The following COL5A1 variants were observed in gnomAD, a reference collection of about 807,000 sequenced individuals.
COL5A1 encodes the protein collagen alpha-1(V) chain.
Under a neutral mutation model 263.7 loss-of-function variants are expected in COL5A1, and 16 were observed. The observed-to-expected ratio is 0.06, with a 90% confidence interval of 0.04 to 0.09. The LOEUF (loss-of-function observed/expected upper bound fraction) is 0.09. COL5A1 is among the 10% of genes least tolerant of loss of function. COL5A1 has a pLI of 1.00. For synonymous variants in COL5A1, 1,012 were observed against 1,004.5 expected, an observed-to-expected ratio of 1.01 and a Z score of -0.14; for missense variants, 2,036 against 2,540.5, an observed-to-expected ratio of 0.80 and a Z score of 4.27.
chr9:134,664,418 T>C (rs1208124098), intron 1 of COL5A1, among the ~76,000 whole-genome samples: 1 of 151,990 alleles, frequency 6.6e-6, no homozygotes, highest in Non-Finnish European at 1.5e-5. Context: ...AAACAACTGG[T>C]CACCGTAAGA....
chr9:134,808,706 GTCT>G (rs1339337592), intron 42 of COL5A1, among the ~76,000 whole-genome samples: 1 of 152,224 alleles, frequency 6.6e-6, no homozygotes, highest in Non-Finnish European at 1.5e-5. Context: ...GTGCGTACAT[GTCT>G]TCATGTGTGA....
intron 1 of COL5A1, among the ~76,000 whole-genome samples, chr9:134,649,073 T>G (rs1588398976): frequency 7.0e-5 from 8 of 114,542 alleles, no homozygotes; most frequent in Admixed American, 1.8e-4. Flanking sequence ...CAGGCAGGGG[T>G]GGGTGAAGTT....
Position 134,652,729 on chromosome 9 carries a change from A to G in COL5A1, c.109+10433A>G, listed in dbSNP as rs765687008. 4.2e-6 allele frequency: 2 copies of G among 470,842 alleles called. No homozygotes were observed. Among genetic ancestry groups the G allele is most frequent in the South Asian group, 3.1e-5 (2 of 64,566 alleles). 29.2% of individuals were successfully genotyped at this position (470,842 alleles called of 1,614,324 possible). A position where few individuals can be genotyped will look rare whatever the true frequency, so the allele number is the denominator to read the frequency against. ...TCACCCCATGGTCTTCTCATGGCTC[A>G]TTGTCAGACAGGAGGGAGGGCCTCT... On this transcript the variant is annotated intron_variant, in intron 1 of 65. Transcript: ENST00000371817. This position sits in a 1 kb window ranked among gnomAD's most constrained non-coding sequence, Gnocchi z 4.4.
At chr9:134,653,821 G>GGT (rs1347256324) in intron 1 of COL5A1, among the ~76,000 whole-genome samples, 1 of 151,808 alleles carries the variant, frequency 6.6e-6, no homozygotes, top group Non-Finnish European at 1.5e-5. Context: ...TAGGGCTGGG[G>GGT]GTGTGCAGGG....
In COL5A1 at chr9:134,796,835, T is replaced by C. The variant is rs1038406739; in HGVS notation, c.2845-13T>C. The stretch of plus-strand genomic sequence containing the variant: ...GACCTCTTGTCCTCAAACTGGCCTT[T>C]CTCTGTTCCCAGGGACCCAATGGAC... On this transcript the variant is annotated splice_polypyrimidine_tract_variant and intron_variant, in intron 35 of 65. Transcript: ENST00000371817. The C allele has an allele frequency of 6.2e-6, 10 of 1,614,048 alleles. No individual in the cohort carries two copies. Among genetic ancestry groups the C allele is most frequent in the Non-Finnish European group, 8.5e-6 (10 of 1,179,882 alleles).
At chr9:134,732,280 C>G (rs770470577) in intron 9 of COL5A1, 153 bp downstream of exon 9, 58 of 750,480 alleles carry the variant, frequency 7.7e-5, no homozygotes, top group Non-Finnish European at 1.2e-4. Context: ...AGTCCACGCA[C>G]CACTTGTCCC....
At chr9:134,699,857 T>C in intron 2 of COL5A1, 52 bp from the exon 3 acceptor site, 1 of 1,559,688 alleles carries the variant, frequency 6.4e-7, no homozygotes, top group South Asian at 1.1e-5. Context: ...CATGGCTGGG[T>C]GTGGTTGCAG....
chr9:134,780,547 G>A (rs1292673362), intron 28 of COL5A1, among the ~76,000 whole-genome samples: 2 of 152,120 alleles, frequency 1.3e-5, no homozygotes, highest in East Asian at 1.9e-4. Context: ...GTTGTTAGAT[G>A]TTCATCCCTG....
intron 11 of COL5A1, among the ~76,000 whole-genome samples, chr9:134,740,612 A>G (rs908549746): frequency 6.6e-6 from 1 of 152,184 alleles, no homozygotes; most frequent in African/African-American, 2.4e-5. Flanking sequence ...TCCAGCGTAC[A>G]GATTTGTACT....
rs1440299474 is a variant in COL5A1, at chr9:134,804,856, T to C, written c.3115-119T>C. On this transcript the variant is annotated intron_variant, in intron 39 of 65. Transcript: ENST00000371817. ...ACCCTTGGCCTCGCTCTGGGACTGG[T>C]GAGAGGTCTGCGTTGCTGGCTCCAA... The C allele has an allele frequency of 4.7e-6, 4 of 843,862 alleles. No homozygotes were observed. In the East Asian group the frequency reaches 1.0e-4, roughly 22 times the overall value. The allele number at this position is 843,862 out of a possible 1,614,324, so 52.3% of individuals were successfully genotyped here.
intron 65 of COL5A1, among the ~76,000 whole-genome samples, chr9:134,836,962 G>C (rs935528011): frequency 1.1e-4 from 17 of 152,188 alleles, no homozygotes; most frequent in Non-Finnish European, 2.5e-4. Flanking sequence ...CAGATCCCTG[G>C]AAAGAGGCAT....
chr9:134,688,444 T>C (rs925880827), intron 1 of COL5A1, among the ~76,000 whole-genome samples: 10 of 152,216 alleles, frequency 6.6e-5, no homozygotes, highest in African/African-American at 2.2e-4. Context: ...ACGGGCTGCA[T>C]CCAGGCCCAG....
At chr9:134,707,103 A>T (rs1173445018) in intron 4 of COL5A1, among the ~76,000 whole-genome samples, 1 of 152,022 alleles carries the variant, frequency 6.6e-6, no homozygotes. Context: ...CTCTGCCTTG[A>T]GGCCTGCCGT....
intron 22 of COL5A1, 118 bp from the exon 23 acceptor site, chr9:134,766,882 A>T (rs1252961049): frequency 1.6e-5 from 16 of 989,434 alleles, no homozygotes; most frequent in Non-Finnish European, 2.5e-5. Context: ...TCCCGCTGGC[A>T]TTAGGCAGTG....
At chr9:134,810,147 C>T in intron 43 of COL5A1, 108 bp from the exon 44 acceptor site, 1 of 1,247,214 alleles carries the variant, frequency 8.0e-7, no homozygotes, top group Non-Finnish European at 1.2e-6. Flanking sequence ...TTAGGGCCAC[C>T]TGGAAAGGAC....
intron 1 of COL5A1, among the ~76,000 whole-genome samples, chr9:134,654,900 G>A (rs1831891352): frequency 4.4e-5 from 5 of 114,886 alleles, no homozygotes; most frequent in Non-Finnish European, 5.3e-5. Flanking sequence ...CTGGGGGTGT[G>A]TAGGGCTGGT....
intron 4 of COL5A1, among the ~76,000 whole-genome samples, chr9:134,712,232 T>TC: frequency 3.3e-5 from 1 of 30,292 alleles, no homozygotes; most frequent in Non-Finnish European, 6.1e-5. Context: ...GCCCCCTTCT[T>TC]CTTATCCCCC....
rs1832457876 is a variant in COL5A1 at position 134,669,235 on chromosome 9, T to TCCTTCCCTTCCCTTCCCTTCTCTTC, written c.110-21657_110-21656insTCTTCCCTTCCCTTCCCTTCCCTTC. ...CTTTTCCCTTCCCTTCCCTTCCCTTTCCTTCCCTTCCCTTCCCTTCCCTTC... is the reference window on the plus strand; with the variant it reads ...CTTTTCCCTTCCCTTCCCTTCCCTTTCCTTCCCTTCCCTTCCCTTCTCTTCCCTTCCCTTCCCTTCCCTTCCCTTC... On this transcript the variant is annotated intron_variant, in intron 1 of 65. Coordinates refer to ENST00000371817, the MANE Select transcript of COL5A1 (RefSeq NM_000093.5). Among the ~76,000 whole-genome samples, 3 of 20,196 alleles carry TCCTTCCCTTCCCTTCCCTTCTCTTC rather than the reference T, an allele frequency of 1.5e-4. No homozygotes were observed. The East Asian group carries it at 6.4e-3, about 43-fold the overall frequency. 13.2% of individuals were successfully genotyped at this position (20,196 alleles called of 152,430 possible).
chr9:134,761,003 A>G (rs1413046696), intron 18 of COL5A1, among the ~76,000 whole-genome samples: 3 of 146,954 alleles, frequency 2.0e-5, no homozygotes. Context: ...ATACACGTGC[A>G]CACCAGCCAC....
Sources: gnomAD v4.1 joint callset for allele counts (sites outside exome capture counted in the v4.1 genomes callset) on GRCh38, gnomAD v4.1.1 for gene constraint, Gnocchi (gnomAD v3.1) non-coding constraint, MANE v1.5 for transcripts, NCBI Gene and HGNC (gene_info 2026-07-23, HGNC 2026-07-21) for gene names.